Variants in ACTR1A observed in about 807,000 individuals in gnomAD.
ACTR1A encodes actin related protein 1A, also known as alpha-centractin.
Under a neutral mutation model 50.7 loss-of-function variants are expected in ACTR1A, and 10 were observed. That is an observed-to-expected ratio of 0.20 (90% CI 0.12 to 0.33). The LOEUF is 0.33. Ranked by LOEUF, ACTR1A falls within the 10% of genes least tolerant of loss-of-function variation. The pLI, the probability that ACTR1A is intolerant of heterozygous loss-of-function variation, is 1.00. For missense variants in ACTR1A, 253 were observed against 491.7 expected, an observed-to-expected ratio of 0.51 and a Z score of 4.59; for synonymous variants, 177 against 184.2, an observed-to-expected ratio of 0.96 and a Z score of 0.32.
intron 4 of ACTR1A, among the ~76,000 whole-genome samples, chr10:102,486,834 C>A (rs373115630): frequency 6.6e-6 from 1 of 150,686 alleles, no homozygotes; most frequent in Non-Finnish European, 1.5e-5. Flanking sequence ...CACCAGGCTG[C>A]GAGTTCAGTG....
intron 5 of ACTR1A, among the ~76,000 whole-genome samples, chr10:102,485,317 C>T (rs924487053): frequency 6.6e-6 from 1 of 152,236 alleles, no homozygotes. Context: ...GGAAGAGCTG[C>T]TGCAGCATGT....
Position 102,481,906 on chromosome 10 carries a change from G to A in ACTR1A, c.926-8C>T. The A allele has an allele frequency of 6.2e-7, 1 of 1,613,094 alleles. No individual in the cohort carries two copies. Among genetic ancestry groups the A allele is most frequent in the South Asian group, 1.1e-5 (1 of 91,042 alleles). ...GGAGCCTGTCACCAAAACCTGAATG[G>A]GCAAAGAGGAGAACTTCAAGTCAAT... On this transcript the variant is annotated splice_polypyrimidine_tract_variant and splice_region_variant and intron_variant, in intron 8 of 10. Coordinates refer to ENST00000369905, the MANE Select transcript of ACTR1A (RefSeq NM_005736.4).
intron 1 of ACTR1A, among the ~76,000 whole-genome samples, chr10:102,491,001 A>T (rs1329638048): frequency 6.6e-6 from 1 of 152,064 alleles, no homozygotes; most frequent in Non-Finnish European, 1.5e-5. Flanking sequence ...GAAAAAAAAA[A>T]CAAAACTAAT....
chr10:102,481,246 C>T, intron 9 of ACTR1A, 74 bp from the exon 10 acceptor site: 3 of 1,456,628 alleles, frequency 2.1e-6, no homozygotes, highest in Non-Finnish European at 2.8e-6. Context: ...GCTCCTCTTT[C>T]TGCCCATGGC....
intron 1 of ACTR1A, among the ~76,000 whole-genome samples, chr10:102,494,071 T>C (rs2062207895): frequency 6.6e-6 from 1 of 152,244 alleles, no homozygotes; most frequent in Non-Finnish European, 1.5e-5. Context: ...CTCAAGAGCA[T>C]ACAAAAGGGT....
chr10:102,480,810 C>T lies in ACTR1A; in HGVS notation c.*53G>A, dbSNP rs186154494. 1,404 of 1,439,726 alleles carry T rather than the reference C, an allele frequency of 9.8e-4. 1 individual carries two copies. Among genetic ancestry groups the T allele is most frequent in the Non-Finnish European group, 1.3e-3 (1,314 of 1,022,350 alleles). The allele number at this position is 1,439,726 out of a possible 1,614,324, so 89.2% of individuals were successfully genotyped here. A position where few individuals can be genotyped will look rare whatever the true frequency, so the allele number is the denominator to read the frequency against. ...TCGCAAACACTCCGACTCAAGAAAGCGAGTTTTAAAGTGGAGTTAACTTCA... is the reference window on the plus strand; with the variant it reads ...TCGCAAACACTCCGACTCAAGAAAGTGAGTTTTAAAGTGGAGTTAACTTCA... On this transcript the variant is annotated 3_prime_UTR_variant, in exon 11 of 11. Transcript: ENST00000369905.
At chr10:102,487,572 T>A (rs1470014466) in intron 4 of ACTR1A, among the ~76,000 whole-genome samples, 2 of 152,128 alleles carry the variant, frequency 1.3e-5, no homozygotes, top group Admixed American at 6.5e-5. Context: ...AGACATAGGT[T>A]TGAATTCCAT....
chr10:102,491,824 G>GGTGCA (rs2062195706), intron 1 of ACTR1A, among the ~76,000 whole-genome samples: 1 of 152,158 alleles, frequency 6.6e-6, no homozygotes, highest in South Asian at 2.1e-4. Flanking sequence ...GGAGTGCAGT[G>GGTGCA]GTGCAATCTG....
chr10:102,483,218 A>G (rs1799293591), intron 6 of ACTR1A, 115 bp from the exon 7 acceptor site: 1 of 820,246 alleles, frequency 1.2e-6, no homozygotes, highest in African/African-American at 1.7e-5. Flanking sequence ...TGATGGCCCC[A>G]ATGGTCACTA....
intron 5 of ACTR1A, 141 bp downstream of exon 5, chr10:102,485,468 C>G: frequency 1.7e-6 from 2 of 1,176,816 alleles, no homozygotes; most frequent in Non-Finnish European, 1.2e-6. Flanking sequence ...GCAAAAGCCT[C>G]TCTCTCTTTC....
chr10:102,497,732 C>T (rs1395114046), intron 1 of ACTR1A, among the ~76,000 whole-genome samples: 5 of 151,888 alleles, frequency 3.3e-5, no homozygotes, highest in Admixed American at 1.3e-4. Context: ...GACTTATCTT[C>T]CAGAGTATAA....
At chr10:102,487,631 C>CT (rs145832320) in intron 4 of ACTR1A, among the ~76,000 whole-genome samples, 366 of 117,000 alleles carry the variant, frequency 3.1e-3, no homozygotes, top group Admixed American at 4.5e-3. Flanking sequence ...CTTGGCTTTT[C>CT]TTTTTTTTTT....
intron 1 of ACTR1A, among the ~76,000 whole-genome samples, chr10:102,502,369 G>T (rs895746210): frequency 1.3e-5 from 2 of 152,234 alleles, no homozygotes; most frequent in Non-Finnish European, 1.5e-5. Flanking sequence ...GACTGGCTTG[G>T]ACTATAACTC....
In ACTR1A at chr10:102,479,799, G is replaced by A; in HGVS notation, c.*1064C>T. On this transcript the variant is annotated 3_prime_UTR_variant, in exon 11 of 11. Transcript: ENST00000369905. The surrounding 1 kb of genome is among the most constrained non-coding windows in gnomAD (Gnocchi z 4.0). ...ACCCCTCCCTTGCTTAGGGGCCTCT[G>A]CCAAAGAAAAATTTTACCTCCTGTT... is the stretch of plus-strand genomic sequence containing the variant. 1.4e-6 allele frequency: 1 copy of A among 701,428 alleles called. No individual in the cohort carries two copies. The allele number at this position is 701,428 out of a possible 1,614,324, so 43.5% of individuals were successfully genotyped here.
Position 102,479,534 on chromosome 10 carries a change from A to G in ACTR1A, c.*1329T>C. The G allele has an allele frequency of 1.4e-5, 16 of 1,114,422 alleles. No individual in the cohort carries two copies. Among genetic ancestry groups the G allele is most frequent in the Non-Finnish European group, 1.9e-5 (16 of 837,022 alleles). The allele number at this position is 1,114,422 out of a possible 1,614,324, so 69.0% of individuals were successfully genotyped here. ...GACAGGCTGGCCCCAGCTTTGCACC[A>G]TCTAGGCTGAAGGCCTTTGGACCAC... On this transcript the variant is annotated 3_prime_UTR_variant, in exon 11 of 11. Transcript: ENST00000369905. This position sits in a 1 kb window ranked among gnomAD's most constrained non-coding sequence, Gnocchi z 4.0.
rs536982784 is a variant in ACTR1A, at chr10:102,502,706, C to T, written c.-59G>A. ...GCCCAGCCGGGTCCGCCGCTAGCGC[C>T]ACTGACACGCATGCGCAGTCTAGCC... On this transcript the variant is annotated 5_prime_UTR_variant, in exon 1 of 11. Transcript: ENST00000369905. 1.9e-6 allele frequency: 3 copies of T among 1,586,876 alleles called. No individual in the cohort carries two copies. The African/African-American group carries it at 4.0e-5, about 21-fold the overall frequency.
In ACTR1A at chr10:102,484,389, G is replaced by T; in HGVS notation, c.441-13C>A. On this transcript the variant is annotated splice_polypyrimidine_tract_variant and intron_variant, in intron 5 of 10. Transcript: ENST00000369905. ...GCCTGTAGCGTAACTGAAGCAAAGG[G>T]GCAAACCGTCACTCAGCACTGCCTC... 6.2e-7 allele frequency: 1 copy of T among 1,608,394 alleles called. No individual in the cohort carries two copies. The highest frequency in any genetic ancestry group is 8.5e-7 in the Non-Finnish European group (1 of 1,175,056).
Position 102,482,244 on chromosome 10 carries a change from A to G in ACTR1A, c.751-69T>C, listed in dbSNP as rs145674738. ...AGGTCCCTTTGGGAGTGGGAATGGA[A>G]GACGCCCCTCTGCACGTCACTTAGT... is the stretch of plus-strand genomic sequence containing the variant. On this transcript the variant is annotated intron_variant, in intron 7 of 10. Transcript: ENST00000369905. The surrounding 1 kb of genome is among the most constrained non-coding windows in gnomAD (Gnocchi z 5.6). 129 of 1,488,108 alleles carry G rather than the reference A, an allele frequency of 8.7e-5. No individual in the cohort carries two copies. The East Asian group carries it at 2.7e-3, about 31-fold the overall frequency. The allele number at this position is 1,488,108 out of a possible 1,614,324, so 92.2% of individuals were successfully genotyped here. A position where few individuals can be genotyped will look rare whatever the true frequency, so the allele number is the denominator to read the frequency against.
intron 1 of ACTR1A, among the ~76,000 whole-genome samples, chr10:102,500,594 A>AACAG (rs2062245281): frequency 6.8e-6 from 1 of 146,070 alleles, no homozygotes; most frequent in Non-Finnish European, 1.5e-5. Flanking sequence ...CAAACAAACA[A>AACAG]ACAAACAAAC....
Sources: allele counts gnomAD v4.1 joint callset (sites outside exome capture counted in the v4.1 genomes callset), GRCh38; gene constraint gnomAD v4.1.1; non-coding constraint Gnocchi (gnomAD v3.1); transcripts MANE v1.5; gene names NCBI Gene and HGNC (gene_info 2026-07-23, HGNC 2026-07-21).